Variants in TAFA5 observed in about 807,000 individuals in gnomAD.
TAFA5 encodes TAFA chemokine like family member 5.
A neutral mutation model predicts 15.3 loss-of-function variants in TAFA5; 6 were observed. The ratio of observed to expected loss-of-function variants is 0.39; its 90% confidence interval spans 0.21 to 0.77. The LOEUF is 0.77. Ranked by LOEUF, TAFA5 falls within the 30% of genes least tolerant of loss-of-function variation. The pLI is 0.41. For synonymous variants in TAFA5, 103 were observed against 80.7 expected (o/e 1.28, Z -1.48); for missense variants, 161 against 193.1 (o/e 0.83, Z 0.98).
At chr22:48,683,768 C>T (rs62224991) in intron 2 of TAFA5, among the ~76,000 whole-genome samples, 17,596 of 152,260 alleles carry the variant, frequency 0.12, 1,116 homozygotes, top group Non-Finnish European at 0.14. Flanking sequence ...CCCCACATGT[C>T]GAGGGAGAGA....
At chr22:48,645,467 T>G (rs1926828725) in intron 1 of TAFA5, among the ~76,000 whole-genome samples, 1 of 152,002 alleles carries the variant, frequency 6.6e-6, no homozygotes, top group African/African-American at 2.4e-5. Flanking sequence ...CTCCTTGGAA[T>G]TTAGGGGATG....
intron 2 of TAFA5, among the ~76,000 whole-genome samples, chr22:48,694,229 T>G (rs920878088): frequency 2.8e-4 from 42 of 152,190 alleles, no homozygotes; most frequent in African/African-American, 1.0e-3. Flanking sequence ...AGCATACCAG[T>G]CCCTGGGAGG....
intron 1 of TAFA5, among the ~76,000 whole-genome samples, chr22:48,564,790 A>G (rs572962673): frequency 6.6e-6 from 1 of 152,326 alleles, no homozygotes; most frequent in East Asian, 1.9e-4. Flanking sequence ...TGGGGGTTCC[A>G]TCAACTTTTG....
chr22:48,750,154 AGAG>A lies in TAFA5; in HGVS notation c.*324_*326del, dbSNP rs995709166. The A allele has an allele frequency of 4.2e-3, 1,887 of 447,260 alleles. No individual in the cohort carries two copies. Among genetic ancestry groups the A allele is most frequent in the Middle Eastern group, 5.9e-3 (10 of 1,690 alleles). The allele number at this position is 447,260 out of a possible 1,614,324, so 27.7% of individuals were successfully genotyped here. On this transcript the variant is annotated 3_prime_UTR_variant, in exon 4 of 4. Coordinates refer to ENST00000402357, the MANE Select transcript of TAFA5 (RefSeq NM_001082967.3). ...CCGTGGCGTTGGCCCTGCTGTCCTC[AGAG>A]GAGGAGGAGGAGGAGGCAGCTCCGG...
chr22:48,526,901 A>C (rs1041886247), intron 1 of TAFA5, among the ~76,000 whole-genome samples: 4 of 152,194 alleles, frequency 2.6e-5, no homozygotes, highest in Non-Finnish European at 1.5e-5. Flanking sequence ...AATGACATCA[A>C]CTGTGAGATG....
intron 2 of TAFA5, among the ~76,000 whole-genome samples, chr22:48,670,721 T>C (rs1451281384): frequency 1.3e-5 from 2 of 152,294 alleles, no homozygotes; most frequent in South Asian, 4.1e-4. Flanking sequence ...TGTAGGAAAA[T>C]GCTGGGTTGA....
chr22:48,737,930 A>C (rs1326941555), intron 3 of TAFA5, among the ~76,000 whole-genome samples: 1 of 152,018 alleles, frequency 6.6e-6, no homozygotes, highest in Non-Finnish European at 1.5e-5. Flanking sequence ...GTCACTGTGC[A>C]GCCCTGTTGT....
chr22:48,500,667 G>C (rs75132303), intron 1 of TAFA5, among the ~76,000 whole-genome samples: 1 of 152,230 alleles, frequency 6.6e-6, no homozygotes, highest in African/African-American at 2.4e-5. Context: ...TGCGCTTCCC[G>C]TGACGACGTG....
At chr22:48,703,277 A>T (rs1265769915) in intron 2 of TAFA5, among the ~76,000 whole-genome samples, 1 of 152,176 alleles carries the variant, frequency 6.6e-6, no homozygotes, top group South Asian at 2.1e-4. Flanking sequence ...CAGCTACAGC[A>T]TAGGCAGGGC....
At chr22:48,713,390 G>A (rs1042892790) in intron 3 of TAFA5, among the ~76,000 whole-genome samples, 1 of 152,218 alleles carries the variant, frequency 6.6e-6, no homozygotes, top group Non-Finnish European at 1.5e-5. Flanking sequence ...CGTTGGATAT[G>A]GACAAGAGGA....
intron 1 of TAFA5, among the ~76,000 whole-genome samples, chr22:48,624,833 C>T (rs371201590): frequency 7.9e-5 from 12 of 152,300 alleles, no homozygotes; most frequent in African/African-American, 2.9e-4. Context: ...GGTGTGGTGG[C>T]TCACGCCTGT....
intron 2 of TAFA5, among the ~76,000 whole-genome samples, chr22:48,675,764 T>C (rs1927952631): frequency 1.3e-5 from 2 of 152,246 alleles, no homozygotes; most frequent in Admixed American, 1.3e-4. Flanking sequence ...TGAGGCCTCC[T>C]GCTCTCTTAT....
chr22:48,695,759 C>G (rs1928690617), intron 2 of TAFA5, among the ~76,000 whole-genome samples: 3 of 152,198 alleles, frequency 2.0e-5, no homozygotes, highest in Admixed American at 2.0e-4. Flanking sequence ...GAGCTGCCGA[C>G]TCTTTGAGAG....
intron 1 of TAFA5, chr22:48,576,392 C>T (rs139257794): frequency 0.045 from 55,594 of 1,229,460 alleles, 1,385 homozygotes; most frequent in Non-Finnish European, 0.051. Flanking sequence ...AGCGGGCGGC[C>T]GCGGAGGCTG....
intron 3 of TAFA5, among the ~76,000 whole-genome samples, chr22:48,737,889 G>C (rs13058161): frequency 6.6e-6 from 1 of 151,930 alleles, no homozygotes; most frequent in Non-Finnish European, 1.5e-5. Flanking sequence ...TGGACCGAGC[G>C]TGAGATGCTG....
chr22:48,678,388 A>G lies in TAFA5; in HGVS notation c.263-29329A>G, dbSNP rs1466123681. Among the ~76,000 whole-genome samples, 13 of 152,304 alleles carry G rather than the reference A, an allele frequency of 8.5e-5. No homozygotes were observed. In the East Asian group the frequency reaches 2.5e-3, roughly 30 times the overall value. On this transcript the variant is annotated intron_variant, in intron 2 of 3. Transcript: ENST00000402357. ...AACTGACCCTATGCGGGGCAAAGAC[A>G]CAGGCCTCAAATCCATCCATGTGTC...
intron 1 of TAFA5, among the ~76,000 whole-genome samples, chr22:48,562,424 C>T (rs893471489): frequency 6.6e-6 from 1 of 152,224 alleles, no homozygotes; most frequent in Non-Finnish European, 1.5e-5. Flanking sequence ...AGGCGTGAGC[C>T]ACCGCGCCCG....
chr22:48,610,102 G>A (rs1222089111), intron 1 of TAFA5, among the ~76,000 whole-genome samples: 1 of 152,228 alleles, frequency 6.6e-6, no homozygotes, highest in Non-Finnish European at 1.5e-5. Context: ...GGAGGGGGCT[G>A]TTTGGCTTTG....
intron 1 of TAFA5, among the ~76,000 whole-genome samples, chr22:48,529,014 T>C (rs912156959): frequency 2.0e-5 from 3 of 152,190 alleles, no homozygotes; most frequent in African/African-American, 7.2e-5. Context: ...GGTAGCTGCC[T>C]GATGGGGGCT....
Sources: gnomAD v4.1 joint callset for allele counts (sites outside exome capture counted in the v4.1 genomes callset) on GRCh38, gnomAD v4.1.1 for gene constraint, MANE v1.5 for transcripts, NCBI Gene and HGNC (gene_info 2026-07-23, HGNC 2026-07-21) for gene names.